RBP5: variants seen among roughly 807,000 people sequenced by gnomAD.
The protein encoded by RBP5 is retinol-binding protein 5.
A neutral mutation model predicts 17.8 loss-of-function variants in RBP5; 12 were observed. That is an observed-to-expected ratio of 0.67 (90% CI 0.43 to 1.09). The LOEUF (loss-of-function observed/expected upper bound fraction) is 1.09. Among genes scored for constraint, RBP5 ranks in the 50% least tolerant of loss-of-function variants. RBP5 has a pLI of 0.00. For missense variants in RBP5, 172 were observed against 169.4 expected, an observed-to-expected ratio of 1.02 and a Z score of -0.09; for synonymous variants, 64 against 68.1, an observed-to-expected ratio of 0.94 and a Z score of 0.30.
chr12:7,121,510 A>C (rs1020105736), downstream of RBP5, among the ~76,000 whole-genome samples: 1 of 151,844 alleles, frequency 6.6e-6, no homozygotes. Context: ...CCGAGGGGAG[A>C]GGTGGGCAGT....
At chr12:7,129,681 C>T (rs967430166), upstream of RBP5, 28 of 985,418 alleles carry the variant, frequency 2.8e-5, no homozygotes, top group Middle Eastern at 1.0e-3. The surrounding 1 kb of genome is among the most constrained non-coding windows in gnomAD (Gnocchi z 5.5). Flanking sequence ...AATATTGTGC[C>T]CCGCCCCCAG....
chr12:7,120,075 T>C (rs1273369228), downstream of RBP5, among the ~76,000 whole-genome samples: 1 of 151,762 alleles, frequency 6.6e-6, no homozygotes, highest in African/African-American at 2.4e-5. Context: ...CTCCTCTCCC[T>C]GGTGGCCAGA....
downstream of RBP5, chr12:7,120,475 CT>C (rs1449474060): frequency 6.4e-6 from 1 of 155,602 alleles, no homozygotes; most frequent in Non-Finnish European, 1.5e-5. Context: ...TCCATGCAAA[CT>C]CAGGTCAGTT....
intron 2 of RBP5, among the ~76,000 whole-genome samples, chr12:7,126,957 C>G (rs1307650946): frequency 6.6e-6 from 1 of 151,586 alleles, no homozygotes; most frequent in Non-Finnish European, 1.5e-5. Context: ...AGGCATGCGC[C>G]ACCATGCCCG....
At chr12:7,126,079 A>AAC (rs1555167349) in intron 2 of RBP5, among the ~76,000 whole-genome samples, 1 of 151,370 alleles carries the variant, frequency 6.6e-6, no homozygotes, top group African/African-American at 2.4e-5. Flanking sequence ...CAAAAAAAAA[A>AAC]AAACACAAAA....
rs752528192 is a variant in RBP5, at chr12:7,128,205, T to C, written c.252+35A>G. 8 of 1,579,674 alleles carry C rather than the reference T, an allele frequency of 5.1e-6. No homozygotes were observed. Among genetic ancestry groups the C allele is most frequent in the Non-Finnish European group, 6.9e-6 (8 of 1,160,214 alleles). On this transcript the variant is annotated intron_variant, in intron 2 of 3. Transcript: ENST00000266560. The surrounding 1 kb of genome is among the most constrained non-coding windows in gnomAD (Gnocchi z 5.3). The stretch of plus-strand genomic sequence containing the variant: ...GTTGTTAGGAGTCTCCTGTGATGCC[T>C]CCTTCCGGCCACCGCCCAGCCAGGG...
intron 2 of RBP5, chr12:7,127,635 G>T: frequency 1.4e-6 from 1 of 701,474 alleles, no homozygotes. Context: ...AGGGCCAACT[G>T]TATTTTGTAG....
At position 7,128,616 on chromosome 12, in the gene RBP5, G is replaced by A. The variant is rs761114840; in HGVS notation, c.73+87C>T. 2.3e-6 allele frequency: 3 copies of A among 1,326,258 alleles called. No homozygotes were observed. Among genetic ancestry groups the A allele is most frequent in the Non-Finnish European group, 3.2e-6 (3 of 942,532 alleles). The allele number at this position is 1,326,258 out of a possible 1,614,324, so 82.2% of individuals were successfully genotyped here. On this transcript the variant is annotated intron_variant, in intron 1 of 3. Coordinates refer to ENST00000266560, the MANE Select transcript of RBP5 (RefSeq NM_031491.4). This position sits in a 1 kb window ranked among gnomAD's most constrained non-coding sequence, Gnocchi z 5.3. ...GCCTTTCCACAGTGTCCAACCCCGG[G>A]CATTCCCTCTTCTCCATGGGACCAA...
exon 4 of RBP5, chr12:7,116,462 G>A (rs898505863): frequency 6.6e-6 from 1 of 152,262 alleles, no homozygotes; most frequent in Admixed American, 6.5e-5. Flanking sequence ...ATGGCGTGAG[G>A]TGCATTGAGT....
chr12:7,121,353 G>C (rs868352445), downstream of RBP5, among the ~76,000 whole-genome samples: 1 of 152,208 alleles, frequency 6.6e-6, no homozygotes, highest in Admixed American at 6.5e-5. Flanking sequence ...GTTCTCTGCT[G>C]CCAATAAGTG....
chr12:7,122,626 G>A (rs2135780089), downstream of RBP5: 1 of 152,404 alleles, frequency 6.6e-6, no homozygotes, highest in East Asian at 1.9e-4. Context: ...TGTGGGAAGA[G>A]GCTTGGACAT....
chr12:7,127,843 A>G (rs1330898261), intron 2 of RBP5: 1 of 636,920 alleles, frequency 1.6e-6, no homozygotes, highest in Admixed American at 2.6e-5. Context: ...TAGGAGGACT[A>G]GGATCTGCAA....
chr12:7,124,712 C>T lies in RBP5; in HGVS notation c.271G>A (p.Glu91Lys), dbSNP rs1160391867. 2 of 1,610,102 alleles carry T rather than the reference C, an allele frequency of 1.2e-6. No individual in the cohort carries two copies. Among genetic ancestry groups the T allele is most frequent in the South Asian group, 2.2e-5 (2 of 91,002 alleles). The change falls in exon 3 of 4, where the codon GAG becomes AAG. Residue 91 changes from glutamate to lysine, a missense_variant. Transcript: ENST00000266560. The surrounding 1 kb of genome is among the most constrained non-coding windows in gnomAD (Gnocchi z 5.3). ...TTCTGCACACACACCAGGTGCTCCT[C>T]CTCCCAGGTTACTATGGTCTATAGG... ...RKCQTIVTWE[E>K]EHLVCVQKGE...
chr12:7,128,688 G>C lies in RBP5; in HGVS notation c.73+15C>G. On this transcript the variant is annotated intron_variant, in intron 1 of 3. Coordinates refer to ENST00000266560, the MANE Select transcript of RBP5 (RefSeq NM_031491.4). The surrounding 1 kb of genome is among the most constrained non-coding windows in gnomAD (Gnocchi z 5.3). ...GAAAGGGAGTGACAGGGGTCTGGGA[G>C]GGCGAGGCCATTACTTAGGGCTTGC... The C allele has an allele frequency of 6.3e-7, 1 of 1,581,820 alleles. No homozygotes were observed. The highest frequency in any genetic ancestry group is 8.6e-7 in the Non-Finnish European group (1 of 1,161,252).
chr12:7,129,351 A>T (rs1939235083), upstream of RBP5: 1 of 174,198 alleles, frequency 5.7e-6, no homozygotes, highest in Admixed American at 5.4e-5. This position sits in a 1 kb window ranked among gnomAD's most constrained non-coding sequence, Gnocchi z 5.5. Context: ...CATGAAGAGC[A>T]CCCTGTAGGC....
chr12:7,126,583 CAA>C (rs1384679267), intron 2 of RBP5, among the ~76,000 whole-genome samples: 3 of 147,714 alleles, frequency 2.0e-5, no homozygotes, highest in South Asian at 2.1e-4. Context: ...GGTAAGGAAA[CAA>C]GAGATATTGA....
At chr12:7,127,706 G>C in intron 2 of RBP5, 1 of 702,316 alleles carries the variant, frequency 1.4e-6, no homozygotes, top group Non-Finnish European at 2.6e-6. Flanking sequence ...TTCATGCCAA[G>C]GGCAGCCTAT....
rs765016838 is a variant in RBP5, at chr12:7,128,395, T to TCTTC, written c.93_96dup (p.Ile33GlufsTer35). 1 of 1,614,148 alleles carries TCTTC rather than the reference T, an allele frequency of 6.2e-7. No individual in the cohort carries two copies. The highest frequency in any genetic ancestry group is 1.1e-5 in the South Asian group (1 of 91,078). On this transcript the variant is annotated frameshift_variant, in exon 2 of 4. Coordinates refer to ENST00000266560, the MANE Select transcript of RBP5 (RefSeq NM_031491.4). LOFTEE classifies it high-confidence loss of function. The surrounding 1 kb of genome is among the most constrained non-coding windows in gnomAD (Gnocchi z 5.3). ...TTGTCCGGCTTCAGCAGCAGCGCGATCTTCCGCACAGCCAAGCTGATGTCT... is the reference window on the plus strand; with the variant it reads ...TTGTCCGGCTTCAGCAGCAGCGCGATCTTCCTTCCGCACAGCCAAGCTGATGTCT...
At chr12:7,118,015 C>T (rs574299885) in intron 3 of RBP5, 2 of 152,330 alleles carry the variant, frequency 1.3e-5, no homozygotes, top group East Asian at 1.9e-4. Flanking sequence ...GCATTTGTGC[C>T]TCAGATAATC....
Sources: allele counts gnomAD v4.1 joint callset (sites outside exome capture counted in the v4.1 genomes callset), GRCh38; gene constraint gnomAD v4.1.1; non-coding constraint Gnocchi (gnomAD v3.1); transcripts MANE v1.5; gene names NCBI Gene and HGNC (gene_info 2026-07-23, HGNC 2026-07-21).